The following CNN1 variants were observed in gnomAD, a reference collection of about 807,000 sequenced individuals.
The protein encoded by CNN1 is calponin 1.
In CNN1, 21 loss-of-function variants were observed where a neutral mutation model predicts 35.3. The observed-to-expected ratio is 0.60, with a 90% CI of 0.42 to 0.86. The LOEUF (loss-of-function observed/expected upper bound fraction) is 0.86, where lower values mean the gene tolerates loss of function less well. Among genes scored for constraint, CNN1 ranks in the 40% least tolerant of loss-of-function variants. The pLI, the probability that CNN1 is intolerant of heterozygous loss-of-function variation, is 0.00. For missense variants in CNN1, 314 were observed against 400.8 expected (o/e 0.78, Z 1.85); for synonymous variants, 164 against 161.8 (o/e 1.01, Z -0.10).
chr19:11,547,351 C>T (rs1028251074), intron 4 of CNN1, among the ~76,000 whole-genome samples: 81 of 150,182 alleles, frequency 5.4e-4, no homozygotes, highest in Non-Finnish European at 6.9e-4. Flanking sequence ...GAGCCGAGAT[C>T]GTGCCACTGC....
chr19:11,542,807 C>T (rs978858375), intron 2 of CNN1, among the ~76,000 whole-genome samples: 8 of 152,084 alleles, frequency 5.3e-5, no homozygotes, highest in Non-Finnish European at 1.0e-4. Flanking sequence ...AACCCCTGAC[C>T]TTGTGATCCA....
At chr19:11,542,278 T>A (rs1972483128) in intron 2 of CNN1, 1 of 151,954 alleles carries the variant, frequency 6.6e-6, no homozygotes, top group Non-Finnish European at 1.5e-5. Flanking sequence ...CTGCAACCTC[T>A]GCTTTCCGGG....
Position 11,549,195 on chromosome 19 carries a change from AATAAAT to A in CNN1, c.502-126_502-121del, listed in dbSNP as rs1972657437. ...AGAGCAAGACTCCGTCTCAAAAAAA[AATAAAT>A]AAAATAAAATAAAAATTGAAAAAAA... On this transcript the variant is annotated intron_variant, in intron 5 of 6. Transcript: ENST00000252456. This position sits in a 1 kb window ranked among gnomAD's most constrained non-coding sequence, Gnocchi z 5.2. 8 of 1,061,430 alleles carry A rather than the reference AATAAAT, an allele frequency of 7.5e-6. No individual in the cohort carries two copies. The highest frequency in any genetic ancestry group is 3.9e-6 in the Non-Finnish European group (3 of 772,476). The allele number at this position is 1,061,430 out of a possible 1,614,324, so 65.8% of individuals were successfully genotyped here. A position where few individuals can be genotyped will look rare whatever the true frequency, so the allele number is the denominator to read the frequency against.
In CNN1 at chr19:11,541,108, G is replaced by A. The variant is rs1326262354; in HGVS notation, c.96G>A (p.Gln32=). 4 of 1,611,476 alleles carry A rather than the reference G, an allele frequency of 2.5e-6. No homozygotes were observed. The highest frequency in any genetic ancestry group is 3.4e-6 in the Non-Finnish European group (4 of 1,178,708). ...AGAAGTATGACCACCAGCGGGAGCA[G>A]GAGCTGAGAGAGTGGATCGAGGGGG... is the stretch of plus-strand genomic sequence containing the variant. ...LAQKYDHQRE[Q]ELREWIEGVT... Residue 32 remains glutamine, a synonymous_variant, in exon 2 of 7, where the codon CAG becomes CAA. Coordinates refer to ENST00000252456, the MANE Select transcript of CNN1 (RefSeq NM_001299.6).
intron 1 of CNN1, chr19:11,539,740 T>G (rs1181104455): frequency 6.0e-6 from 6 of 993,450 alleles, no homozygotes. Context: ...GGGTGGCTTT[T>G]CCCAGGGTCC....
intron 4 of CNN1, 25 bp downstream of exon 4, chr19:11,546,994 G>A (rs779891673): frequency 6.2e-7 from 1 of 1,610,952 alleles, no homozygotes. Flanking sequence ...AGGCTGGGCA[G>A]GGGGTGGTGG....
intron 1 of CNN1, 148 bp from the exon 2 acceptor site, chr19:11,540,928 A>C (rs974313132): frequency 1.1e-5 from 9 of 782,800 alleles, no homozygotes; most frequent in South Asian, 2.2e-5. Context: ...CCCATCCCCC[A>C]ACTATGGATC....
At chr19:11,545,924 C>A (rs1014923335) in intron 2 of CNN1, among the ~76,000 whole-genome samples, 3 of 151,476 alleles carry the variant, frequency 2.0e-5, no homozygotes, top group East Asian at 1.9e-4. Flanking sequence ...TGTGATTGCA[C>A]CACTGCTCTC....
intron 4 of CNN1, 135 bp downstream of exon 4, chr19:11,547,104 G>A (rs1972606221): frequency 6.8e-6 from 9 of 1,325,864 alleles, no homozygotes; most frequent in African/African-American, 2.9e-5. Context: ...GCTGTCAACA[G>A]CGTCCAAGGG....
chr19:11,542,303 G>A (rs1266403466), intron 2 of CNN1: 1 of 151,464 alleles, frequency 6.6e-6, no homozygotes, highest in African/African-American at 2.4e-5. Flanking sequence ...AGTGATTCTT[G>A]TGTCTCAGCC....
In CNN1 at chr19:11,541,093, C is replaced by G; in HGVS notation, c.81C>G (p.Asp27Glu). The G allele has an allele frequency of 6.2e-7, 1 of 1,610,812 alleles. No homozygotes were observed. Among genetic ancestry groups the G allele is most frequent in the South Asian group, 1.1e-5 (1 of 90,768 alleles). Residue 27 changes from aspartate to glutamate, a missense_variant, in exon 2 of 7, where the codon GAC becomes GAG. Asp to Glu is a conservative substitution (Grantham distance 45). Transcript: ENST00000252456. ...CGCCCCAGCTGGCCCAGAAGTATGA[C>G]CACCAGCGGGAGCAGGAGCTGAGAG... is the stretch of plus-strand genomic sequence containing the variant. ...EVKNKLAQKY[D>E]HQREQELREW...
In CNN1 at chr19:11,540,877, G is replaced by A. The variant is rs972572224; in HGVS notation, c.64-199G>A. 3.3e-5 allele frequency among the ~76,000 whole-genome samples: 5 copies of A among 152,172 alleles called. No homozygotes were observed. The South Asian group carries it at 8.3e-4, about 25-fold the overall frequency. ...CAGAATGCCCGGAATGGCCCCCTGG[G>A]CAGGTGCCACCTCAGCCCTGGCTCT... On this transcript the variant is annotated intron_variant, in intron 1 of 6. Transcript: ENST00000252456.
At chr19:11,546,045 G>A (rs996988565) in intron 2 of CNN1, among the ~76,000 whole-genome samples, 1 of 152,144 alleles carries the variant, frequency 6.6e-6, no homozygotes, top group African/African-American at 2.4e-5. Context: ...GCCCTTGTGG[G>A]CTTCCTGCTG....
rs1346694108 is a variant in CNN1, at chr19:11,549,954, G to A, written c.*159G>A. The A allele has an allele frequency of 2.3e-5, 25 of 1,104,042 alleles. No individual in the cohort carries two copies. Among genetic ancestry groups the A allele is most frequent in the Middle Eastern group, 6.1e-4 (2 of 3,284 alleles). 68.4% of individuals were successfully genotyped at this position (1,104,042 alleles called of 1,614,324 possible). ...TAGAGTTTGGAGAGAGCAGACTGGC[G>A]GGGGGCCCATTGGGGGGAAGGGGAC... On this transcript the variant is annotated 3_prime_UTR_variant, in exon 7 of 7. Coordinates refer to ENST00000252456, the MANE Select transcript of CNN1 (RefSeq NM_001299.6). This position sits in a 1 kb window ranked among gnomAD's most constrained non-coding sequence, Gnocchi z 5.2.
intron 1 of CNN1, chr19:11,539,611 A>T: frequency 1.3e-6 from 1 of 778,186 alleles, no homozygotes; most frequent in Non-Finnish European, 1.9e-6. Context: ...ATACACCAGG[A>T]TGGGCTCAGC....
At position 11,549,658 on chromosome 19, in the gene CNN1, G is replaced by T; in HGVS notation, c.757G>T (p.Ala253Ser). 1.2e-6 allele frequency: 2 copies of T among 1,614,000 alleles called. No homozygotes were observed. The highest frequency in any genetic ancestry group is 1.7e-6 in the Non-Finnish European group (2 of 1,179,880). Residue 253 changes from alanine to serine, a missense_variant, in exon 7 of 7, where the codon GCC (alanine) becomes TCC (serine). By Grantham distance (99) the Ala-to-Ser change is moderately conservative. Transcript: ENST00000252456. This position sits in a 1 kb window ranked among gnomAD's most constrained non-coding sequence, Gnocchi z 5.2. ...CCTGCAGATGGGCAGCAACAAGGGC[G>T]CCTCGCAGCGGGGCATGACGGTGTA... ...VSLQMGSNKGASQRGMTVYGL... is the reference protein window; with the variant it reads ...VSLQMGSNKGSSQRGMTVYGL...
At chr19:11,542,202 CTTT>C (rs1385855370) in intron 2 of CNN1, 1 of 145,224 alleles carries the variant, frequency 6.9e-6, no homozygotes, top group African/African-American at 2.8e-5. Flanking sequence ...TCTTCTTCTT[CTTT>C]TTTTTGAGAT....
rs1972455927 is a variant in CNN1 at position 11,541,202 on chromosome 19, G to C, written c.185+5G>C. On this transcript the variant is annotated splice_donor_5th_base_variant and intron_variant, in intron 2 of 6. Transcript: ENST00000252456. ...AGATGGCATCATTCTTTGCGAGTGA[G>C]TGAGGCTCTCGAAGCCGAGACCCTG... The C allele has an allele frequency of 6.4e-7, 1 of 1,558,690 alleles. No individual in the cohort carries two copies. The highest frequency in any genetic ancestry group is 1.4e-5 in the African/African-American group (1 of 73,064).
rs752720222 is a variant in CNN1 at position 11,549,806 on chromosome 19, C to T, written c.*11C>T. 6.3e-7 allele frequency: 1 copy of T among 1,590,348 alleles called. No individual in the cohort carries two copies. The highest frequency in any genetic ancestry group is 8.6e-7 in the Non-Finnish European group (1 of 1,163,800). On this transcript the variant is annotated 3_prime_UTR_variant, in exon 7 of 7. Coordinates refer to ENST00000252456, the MANE Select transcript of CNN1 (RefSeq NM_001299.6). This position sits in a 1 kb window ranked among gnomAD's most constrained non-coding sequence, Gnocchi z 5.2. The stretch of plus-strand genomic sequence containing the variant: ...TACAATTCCGCCTAGGGCCACAAGG[C>T]CTTCCCTGTTTTCCCCCCAAGGGAG...
Sources: allele counts gnomAD v4.1 joint callset (sites outside exome capture counted in the v4.1 genomes callset), GRCh38; gene constraint gnomAD v4.1.1; non-coding constraint Gnocchi (gnomAD v3.1); transcripts MANE v1.5; gene names NCBI Gene and HGNC (gene_info 2026-07-23, HGNC 2026-07-21).